TMEM138: variants seen among roughly 807,000 people sequenced by gnomAD.
TMEM138 encodes the protein transmembrane protein 138.
A neutral mutation model predicts 18.1 loss-of-function variants in TMEM138; 9 were observed. The observed-to-expected ratio is 0.50, with a 90% CI of 0.30 to 0.87. The LOEUF is 0.87. Ranked by LOEUF, TMEM138 falls within the 40% of genes least tolerant of loss-of-function variation. The probability of loss-of-function intolerance (pLI) is 0.06; values close to 1 mark genes in which losing one functional copy is unlikely to be tolerated. For synonymous variants in TMEM138, 79 were observed against 74.8 expected, an observed-to-expected ratio of 1.06 and a Z score of -0.29; for missense variants, 189 against 190.6, an observed-to-expected ratio of 0.99 and a Z score of 0.05.
downstream of TMEM138, among the ~76,000 whole-genome samples, chr11:61,373,703 T>G (rs1858395100): frequency 6.6e-6 from 1 of 152,142 alleles, no homozygotes; most frequent in African/African-American, 2.4e-5. Context: ...ATATTTGGCT[T>G]ACTTGGTATA....
In TMEM138 at chr11:61,368,650, C is replaced by T; in HGVS notation, c.430C>T (p.Pro144Ser). 1 of 1,614,170 alleles carries T rather than the reference C, an allele frequency of 6.2e-7. No individual in the cohort carries two copies. Among genetic ancestry groups the T allele is most frequent in the Non-Finnish European group, 8.5e-7 (1 of 1,180,026 alleles). ...ACGGACAGCCGTAAGACTAGGCGAT[C>T]CTCACTTCTACCAGGACTCTTTGTG... is the stretch of plus-strand genomic sequence containing the variant. ...YKRTAVRLGD[P>S]HFYQDSLWLR... Residue 144 changes from proline (P) to serine (S), a missense_variant, in exon 5 of 5, where the codon CCT (proline) becomes TCT (serine). Coordinates refer to ENST00000278826, the MANE Select transcript of TMEM138 (RefSeq NM_016464.5).
intron 2 of TMEM138, among the ~76,000 whole-genome samples, chr11:61,365,187 CAAA>C (rs539669533): frequency 5.9e-5 from 8 of 134,696 alleles, no homozygotes; most frequent in Non-Finnish European, 1.1e-4. Context: ...GACTCCATCT[CAAA>C]AAAAAAAAAA....
In TMEM138 at chr11:61,364,399, G is replaced by A; in HGVS notation, c.9G>A (p.Gln3=). ML[Q]TSNYSLVLSL... Reference sequence around the variant, plus strand: ...GAGAAAACAGAAGGAAGATGCTCCAGACCAGTAACTACAGCCTGGTGCTCT... The same window carrying A: ...GAGAAAACAGAAGGAAGATGCTCCAAACCAGTAACTACAGCCTGGTGCTCT... The change falls in exon 2 of 5, where the codon CAG becomes CAA. Residue 3 remains glutamine (Q), a synonymous_variant. Coordinates refer to ENST00000278826, the MANE Select transcript of TMEM138 (RefSeq NM_016464.5). The A allele has an allele frequency of 6.2e-7, 1 of 1,614,126 alleles. No homozygotes were observed. Among genetic ancestry groups the A allele is most frequent in the Non-Finnish European group, 8.5e-7 (1 of 1,179,992 alleles).
intron 1 of TMEM138, chr11:61,363,479 AT>A (rs1423861659): frequency 6.6e-6 from 1 of 152,224 alleles, no homozygotes; most frequent in Non-Finnish European, 1.5e-5. Flanking sequence ...ACTCCAGAGC[AT>A]TTTGAAATTT....
downstream of TMEM138, among the ~76,000 whole-genome samples, chr11:61,374,822 G>A (rs1028276856): frequency 1.3e-5 from 2 of 152,144 alleles, no homozygotes; most frequent in Admixed American, 6.6e-5. Context: ...GGTGGCAGGT[G>A]CCTGTAATCC....
At chr11:61,371,615 A>G (rs971455148), downstream of TMEM138, among the ~76,000 whole-genome samples, 2 of 152,236 alleles carry the variant, frequency 1.3e-5, no homozygotes, top group African/African-American at 2.4e-5. Flanking sequence ...GCCGAACTCT[A>G]AAATACTTGA....
rs186711099 is a variant in TMEM138, at chr11:61,368,469, G to A, written c.377-128G>A. On this transcript the variant is annotated intron_variant, in intron 4 of 4. Coordinates refer to ENST00000278826, the MANE Select transcript of TMEM138 (RefSeq NM_016464.5). ...GTCTCGATCTCTGACCTCATGATCC[G>A]CCTGCCTCTGCCTCCTAAAGTGCTG... 2.7e-4 allele frequency: 168 copies of A among 624,338 alleles called. 1 individual carries two copies. The highest frequency in any genetic ancestry group is 2.2e-3 in the African/African-American group (120 of 54,650). 38.7% of individuals were successfully genotyped at this position (624,338 alleles called of 1,614,324 possible).
downstream of TMEM138, among the ~76,000 whole-genome samples, chr11:61,372,339 T>G (rs1261599710): frequency 2.0e-5 from 3 of 151,786 alleles, no homozygotes; most frequent in Non-Finnish European, 4.4e-5. Flanking sequence ...TCTCACTCTG[T>G]CTCCCAGGCT....
Position 61,364,308 on chromosome 11 carries a change from C to A in TMEM138, c.-83C>A. 6.5e-7 allele frequency: 1 copy of A among 1,538,422 alleles called. No individual in the cohort carries two copies. The highest frequency in any genetic ancestry group is 8.8e-7 in the Non-Finnish European group (1 of 1,134,120). On this transcript the variant is annotated 5_prime_UTR_variant, in exon 2 of 5. Transcript: ENST00000278826. The stretch of plus-strand genomic sequence containing the variant: ...CATTCAAAGGAACTAGAAGCCTCTC[C>A]CTCAGTGGTAGGGAGACAGCCAGGA...
rs552808585 is a variant in TMEM138, at chr11:61,368,195, C to A, written c.376+197C>A. On this transcript the variant is annotated intron_variant, in intron 4 of 4. Coordinates refer to ENST00000278826, the MANE Select transcript of TMEM138 (RefSeq NM_016464.5). Reference sequence around the variant, plus strand: ...ATGAGGAGGCAGGGCTGCCCAGCCTCATTAGGTTCTGTTCTTTTTGTTTGT... The same window carrying A: ...ATGAGGAGGCAGGGCTGCCCAGCCTAATTAGGTTCTGTTCTTTTTGTTTGT... 7.2e-6 allele frequency: 5 copies of A among 698,828 alleles called. No homozygotes were observed. In the South Asian group the frequency reaches 7.2e-5, roughly 10 times the overall value. 43.3% of individuals were successfully genotyped at this position (698,828 alleles called of 1,614,324 possible).
At chr11:61,372,699 T>A (rs890813281), downstream of TMEM138, among the ~76,000 whole-genome samples, 5 of 151,932 alleles carry the variant, frequency 3.3e-5, no homozygotes, top group African/African-American at 9.7e-5. Context: ...GGCAGAAGAA[T>A]GGTGTGAACC....
intron 1 of TMEM138, chr11:61,362,840 A>C (rs1181661393): frequency 6.6e-6 from 1 of 152,164 alleles, no homozygotes; most frequent in Non-Finnish European, 1.5e-5. Flanking sequence ...TTTCCTGTAG[A>C]ATAGGAATAA....
Position 61,364,363 on chromosome 11 carries a change from C to T in TMEM138, c.-28C>T, listed in dbSNP as rs759917662. 7 of 1,612,730 alleles carry T rather than the reference C, an allele frequency of 4.3e-6. No homozygotes were observed. In the South Asian group the frequency reaches 5.5e-5, roughly 13 times the overall value. ...TTTTCTGGGAACTGTGGGATGTGCC[C>T]TTGGGGGCCCGAGAAAACAGAAGGA... On this transcript the variant is annotated 5_prime_UTR_variant, in exon 2 of 5. Coordinates refer to ENST00000278826, the MANE Select transcript of TMEM138 (RefSeq NM_016464.5).
intron 2 of TMEM138, 50 bp downstream of exon 2, chr11:61,364,568 C>A: frequency 6.2e-7 from 1 of 1,609,832 alleles, no homozygotes; most frequent in South Asian, 1.1e-5. Flanking sequence ...AATTCAAAGG[C>A]CCTGACAGTG....
intron 1 of TMEM138, chr11:61,363,188 G>A (rs1857996361): frequency 6.6e-6 from 1 of 152,450 alleles, no homozygotes; most frequent in African/African-American, 2.4e-5. Flanking sequence ...AGTGAGCCAA[G>A]ATCATGCCAC....
Position 61,368,610 on chromosome 11 carries a change from C to T in TMEM138, c.390C>T (p.Tyr130=). 2 of 1,613,416 alleles carry T rather than the reference C, an allele frequency of 1.2e-6. No individual in the cohort carries two copies. Among genetic ancestry groups the T allele is most frequent in the Non-Finnish European group, 1.7e-6 (2 of 1,179,572 alleles). The change falls in exon 5 of 5, where the codon TAC becomes TAT. Residue 130 remains tyrosine, a synonymous_variant. Transcript: ENST00000278826. Reference sequence around the variant, plus strand: ...TCCTCCCCACAGCAGCAGTGTTGTACTGCTACTTCTATAAACGGACAGCCG... The same window carrying T: ...TCCTCCCCACAGCAGCAGTGTTGTATTGCTACTTCTATAAACGGACAGCCG... The part of the protein sequence containing the change: ...FVFQRLAAVL[Y]CYFYKRTAVR...
downstream of TMEM138, among the ~76,000 whole-genome samples, chr11:61,375,913 A>T (rs1172766409): frequency 6.6e-6 from 1 of 152,194 alleles, no homozygotes; most frequent in Non-Finnish European, 1.5e-5. Context: ...TTTATCTTGG[A>T]ACCTCAAGAG....
At chr11:61,372,344 C>G (rs1858362766), downstream of TMEM138, among the ~76,000 whole-genome samples, 2 of 151,848 alleles carry the variant, frequency 1.3e-5, no homozygotes, top group African/African-American at 4.8e-5. Flanking sequence ...CTCTGTCTCC[C>G]AGGCTGGAGT....
chr11:61,365,972 C>A, intron 2 of TMEM138, 73 bp from the exon 3 acceptor site: 1 of 1,537,190 alleles, frequency 6.5e-7, no homozygotes, highest in Non-Finnish European at 8.7e-7. Flanking sequence ...TCGTGGTGTC[C>A]CTCAGGACAT....
Sources: gnomAD v4.1 joint callset for allele counts (sites outside exome capture counted in the v4.1 genomes callset) on GRCh38, gnomAD v4.1.1 for gene constraint, MANE v1.5 for transcripts, NCBI Gene and HGNC (gene_info 2026-07-23, HGNC 2026-07-21) for gene names.